The following COL18A1 variants were observed in gnomAD, a reference collection of about 807,000 sequenced individuals.
COL18A1 encodes collagen type XVIII alpha 1 chain.
Under a neutral mutation model 168.0 loss-of-function variants are expected in COL18A1, and 133 were observed. The observed-to-expected ratio is 0.79, with a 90% CI of 0.69 to 0.91. The LOEUF (loss-of-function observed/expected upper bound fraction) is 0.91, where lower values mean the gene tolerates loss of function less well. COL18A1 is among the 40% of genes least tolerant of loss of function. COL18A1 has a pLI of 0.00. For synonymous variants in COL18A1, 949 were observed against 809.0 expected (o/e 1.17, Z -2.94); for missense variants, 2,126 against 1,925.4 (o/e 1.10, Z -1.95).
In COL18A1 at chr21:45,512,283, C is replaced by T. The variant is rs373708039; in HGVS notation, c.3905C>T (p.Thr1302Met). The T allele has an allele frequency of 7.8e-5, 126 of 1,612,010 alleles. 1 individual carries two copies. The African/African-American group carries it at 1.1e-3, about 14-fold the overall frequency. ...ETWRTEAPSA[T>M]GQASSLLGGR... The stretch of plus-strand genomic sequence containing the variant: ...TGGCGGACGGAGGCTCCCTCGGCCA[C>T]GGGCCAGGCCTCCTCGCTGCTGGGG... Residue 1302 changes from threonine (T) to methionine (M), a missense_variant, in exon 42 of 42, where the codon ACG (threonine) becomes ATG (methionine). Thr to Met is a moderately conservative substitution (Grantham distance 81). Coordinates refer to ENST00000651438, the MANE Select transcript of COL18A1 (RefSeq NM_001379500.1).
At chr21:45,447,895 GC>G (rs1161387740) in intron 2 of COL18A1, among the ~76,000 whole-genome samples, 1 of 152,072 alleles carries the variant, frequency 6.6e-6, no homozygotes, top group Non-Finnish European at 1.5e-5. Context: ...CCACCCATTG[GC>G]CCCCCTTGCA....
intron 32 of COL18A1, among the ~76,000 whole-genome samples, chr21:45,501,325 G>A (rs936798785): frequency 1.3e-5 from 2 of 152,048 alleles, no homozygotes; most frequent in African/African-American, 4.8e-5. Flanking sequence ...TCAGCCCAGG[G>A]AGATCTGAAC....
At position 45,489,501 on chromosome 21, in the gene COL18A1, C is replaced by A; in HGVS notation, c.1939C>A (p.Pro647Thr). ...LPGLKGDPGV[P>T]GLPGAKGEVG... ...TTTCACTTAGGGGGATCCTGGCGTG[C>A]CTGGGCTGCCGGGGGCGAAGGTAAG... is the stretch of plus-strand genomic sequence containing the variant. Residue 647 changes from proline (P) to threonine (T), a missense_variant, in exon 19 of 42, where the codon CCT becomes ACT. By Grantham distance (38) the Pro-to-Thr change is conservative. Coordinates refer to ENST00000651438, the MANE Select transcript of COL18A1 (RefSeq NM_001379500.1). 6.2e-7 allele frequency: 1 copy of A among 1,603,256 alleles called. No homozygotes were observed.
chr21:45,489,568 G>T, intron 19 of COL18A1, 47 bp downstream of exon 19: 3 of 1,422,638 alleles, frequency 2.1e-6, no homozygotes, highest in Non-Finnish European at 2.9e-6. Flanking sequence ...CAGAGGCAGG[G>T]AGGGCCCAGC....
intron 21 of COL18A1, 140 bp downstream of exon 21, chr21:45,491,011 G>T: frequency 1.1e-6 from 1 of 937,544 alleles, no homozygotes; most frequent in Non-Finnish European, 1.7e-6. Context: ...AAGTTGACAG[G>T]GGTGGCTTTC....
chr21:45,428,704 C>G (rs1230985352), intron 2 of COL18A1, among the ~76,000 whole-genome samples: 1 of 152,090 alleles, frequency 6.6e-6, no homozygotes, highest in Non-Finnish European at 1.5e-5. Flanking sequence ...CAGGTGGTTC[C>G]CGCAGTGCGA....
intron 2 of COL18A1, chr21:45,456,193 CT>C (rs1173895732): frequency 6.2e-7 from 1 of 1,601,380 alleles, no homozygotes; most frequent in Non-Finnish European, 8.5e-7. Flanking sequence ...CTTCTCTCTC[CT>C]CCTTGCTGGG....
At chr21:45,432,135 C>T (rs556671860) in intron 2 of COL18A1, among the ~76,000 whole-genome samples, 19 of 152,344 alleles carry the variant, frequency 1.2e-4, no homozygotes, top group East Asian at 1.2e-3. Flanking sequence ...AAGGAAAGTT[C>T]CAGAGCACAG....
chr21:45,409,353 G>A (rs1364910423), intron 2 of COL18A1, among the ~76,000 whole-genome samples: 3 of 152,192 alleles, frequency 2.0e-5, no homozygotes, highest in Admixed American at 6.5e-5. Flanking sequence ...GCCCTTATAC[G>A]ATGATGATAT....
In COL18A1 at chr21:45,437,624, G is replaced by GCA. The variant is rs561785406; in HGVS notation, c.107-30610_107-30609dup. On this transcript the variant is annotated intron_variant, in intron 2 of 41. Transcript: ENST00000651438. Reference sequence around the variant, plus strand: ...CACTCAGACACACAGGCACTCTCCTGCACACACACTCACACAGGCACTCTC... The same window carrying GCA: ...CACTCAGACACACAGGCACTCTCCTGCACACACACACTCACACAGGCACTCTC... 7.9e-4 allele frequency among the ~76,000 whole-genome samples: 25 copies of GCA among 31,610 alleles called. 3 individuals are homozygous for GCA. Among genetic ancestry groups the GCA allele is most frequent in the African/African-American group, 6.1e-3 (22 of 3,610 alleles). 20.7% of individuals were successfully genotyped at this position (31,610 alleles called of 152,430 possible). A position where few individuals can be genotyped will look rare whatever the true frequency, so the allele number is the denominator to read the frequency against.
chr21:45,421,672 C>T (rs1320899439), intron 2 of COL18A1: 69 of 490,138 alleles, frequency 1.4e-4, no homozygotes, highest in Non-Finnish European at 2.5e-5. Context: ...GAAGGAAGCT[C>T]ACACTGTTTC....
intron 19 of COL18A1, 82 bp from the exon 20 acceptor site, chr21:45,490,192 CG>C: frequency 8.5e-7 from 1 of 1,179,462 alleles, no homozygotes. Context: ...GCCACGTCCA[CG>C]GGTGCCCCGG....
intron 2 of COL18A1, among the ~76,000 whole-genome samples, chr21:45,418,766 A>AGCCACCTCACGTCACTTCCTGGGGTCTC (rs2033528496): frequency 1.4e-5 from 1 of 71,044 alleles, no homozygotes; most frequent in African/African-American, 6.1e-5. Context: ...AGGGGCCTCC[A>AGCCACCTCACGTCACTTCCTGGGGTCTC]AGGCTGTCTC....
chr21:45,487,754 C>A, intron 17 of COL18A1: 1 of 655,048 alleles, frequency 1.5e-6, no homozygotes, highest in Admixed American at 2.1e-5. Flanking sequence ...TGTGAGTGGT[C>A]AAGACAAAGG....
At chr21:45,505,307 A>C in intron 35 of COL18A1, 29 bp downstream of exon 35, 1 of 1,601,068 alleles carries the variant, frequency 6.2e-7, no homozygotes, top group East Asian at 2.2e-5. Flanking sequence ...GGCCCCGGGC[A>C]GAGGCCGCCT....
Position 45,463,049 on chromosome 21 carries a change from T to C in COL18A1, c.107-5193T>C, listed in dbSNP as rs568341153. 2.0e-5 allele frequency among the ~76,000 whole-genome samples: 3 copies of C among 152,316 alleles called. No individual in the cohort carries two copies. Among genetic ancestry groups the C allele is most frequent in the African/African-American group, 7.2e-5 (3 of 41,568 alleles). ...CCTCTTACATGCTGCTGTTTTTCAATGTCCCGTTCTTTCATGTTTGGCTCC... is the reference window on the plus strand; with the variant it reads ...CCTCTTACATGCTGCTGTTTTTCAACGTCCCGTTCTTTCATGTTTGGCTCC... On this transcript the variant is annotated intron_variant, in intron 2 of 41. Coordinates refer to ENST00000651438, the MANE Select transcript of COL18A1 (RefSeq NM_001379500.1). The surrounding 1 kb of genome is among the most constrained non-coding windows in gnomAD (Gnocchi z 4.0).
intron 2 of COL18A1, among the ~76,000 whole-genome samples, chr21:45,459,322 G>C (rs568641515): frequency 6.6e-6 from 1 of 151,766 alleles, no homozygotes; most frequent in East Asian, 1.9e-4. Flanking sequence ...CTGACCCCTC[G>C]GGCAGACTTC....
intron 21 of COL18A1, 95 bp downstream of exon 21, chr21:45,490,966 C>T (rs1447724074): frequency 4.9e-6 from 6 of 1,222,918 alleles, no homozygotes; most frequent in Middle Eastern, 2.6e-4. Context: ...CCCCTGCTGC[C>T]CATGTGACCT....
chr21:45,406,878 G>A (rs369286344), intron 2 of COL18A1, among the ~76,000 whole-genome samples: 1 of 152,260 alleles, frequency 6.6e-6, no homozygotes, highest in East Asian at 1.9e-4. Context: ...TAAGAGTGGG[G>A]TGTAAAGTCA....
Sources: allele counts gnomAD v4.1 joint callset (sites outside exome capture counted in the v4.1 genomes callset), GRCh38; gene constraint gnomAD v4.1.1; non-coding constraint Gnocchi (gnomAD v3.1); transcripts MANE v1.5; gene names NCBI Gene and HGNC (gene_info 2026-07-23, HGNC 2026-07-21).